MAGI2: variants seen among roughly 807,000 people sequenced by gnomAD.
MAGI2 encodes the protein membrane-associated guanylate kinase, WW and PDZ domain-containing protein 2.
Under a neutral mutation model 133.3 loss-of-function variants are expected in MAGI2, and 35 were observed. That is an observed-to-expected ratio of 0.26 (90% CI 0.20 to 0.35). The LOEUF (loss-of-function observed/expected upper bound fraction) is 0.35. Ranked by LOEUF, MAGI2 falls within the 10% of genes least tolerant of loss-of-function variation. MAGI2 has a pLI of 1.00. For missense variants in MAGI2, 1,636 were observed against 1,863.4 expected, an observed-to-expected ratio of 0.88 and a Z score of 2.25; for synonymous variants, 729 against 710.6, an observed-to-expected ratio of 1.03 and a Z score of -0.41.
chr7:79,049,511 T>C (rs1192246636), intron 1 of MAGI2, among the ~76,000 whole-genome samples: 1 of 152,190 alleles, frequency 6.6e-6, no homozygotes, highest in Non-Finnish European at 1.5e-5. Context: ...TGCCTGTTTA[T>C]TACAGACTTG....
intron 1 of MAGI2, among the ~76,000 whole-genome samples, chr7:79,158,586 A>G (rs2129547526): frequency 6.6e-6 from 1 of 152,188 alleles, no homozygotes; most frequent in East Asian, 1.9e-4. Flanking sequence ...CGAAAACAGA[A>G]TAATCTTAGC....
intron 10 of MAGI2, among the ~76,000 whole-genome samples, chr7:78,208,129 A>T (rs71573375): frequency 0.19 from 22,555 of 118,428 alleles, 1,966 homozygotes; most frequent in Middle Eastern, 0.26. Flanking sequence ...CGGCCTCCCA[A>T]AGTGGCTTTT....
chr7:78,667,981 G>A (rs1813839423), intron 2 of MAGI2, among the ~76,000 whole-genome samples: 1 of 152,078 alleles, frequency 6.6e-6, no homozygotes, highest in Non-Finnish European at 1.5e-5. Flanking sequence ...CTTCCACAAT[G>A]GTTGAACTAG....
At chr7:78,888,099 G>C (rs1163668881) in intron 2 of MAGI2, among the ~76,000 whole-genome samples, 3 of 152,194 alleles carry the variant, frequency 2.0e-5, no homozygotes, top group Non-Finnish European at 4.4e-5. Flanking sequence ...ACATGGCTCA[G>C]AGGATTCTAC....
chr7:78,635,972 G>A (rs768904637), intron 2 of MAGI2, among the ~76,000 whole-genome samples: 18 of 152,098 alleles, frequency 1.2e-4, no homozygotes, highest in Non-Finnish European at 2.1e-4. Flanking sequence ...AAATAATATC[G>A]TTTGGGTCAC....
At chr7:78,165,546 G>A (rs1825537118) in intron 15 of MAGI2, among the ~76,000 whole-genome samples, 1 of 152,092 alleles carries the variant, frequency 6.6e-6, no homozygotes, top group African/African-American at 2.4e-5. Flanking sequence ...AGGAGAAGGC[G>A]GAAGCGTGTC....
Position 79,453,443 on chromosome 7 carries a change from C to G in MAGI2, c.-123G>C, listed in dbSNP as rs1849439174. 1.3e-6 allele frequency: 2 copies of G among 1,490,422 alleles called. No individual in the cohort carries two copies. Among genetic ancestry groups the G allele is most frequent in the East Asian group, 2.3e-5 (1 of 43,478 alleles). 92.3% of individuals were successfully genotyped at this position (1,490,422 alleles called of 1,614,324 possible). A position where few individuals can be genotyped will look rare whatever the true frequency, so the allele number is the denominator to read the frequency against. On this transcript the variant is annotated 5_prime_UTR_variant, in exon 1 of 22. Transcript: ENST00000354212. ...AGAACAGCAGACTTTGCCTTCGCCCCCCTCTATTCGGTGCTTTCCCTCTTC... is the reference window on the plus strand; with the variant it reads ...AGAACAGCAGACTTTGCCTTCGCCCGCCTCTATTCGGTGCTTTCCCTCTTC...
chr7:78,248,125 C>A (rs1285428166), intron 10 of MAGI2, among the ~76,000 whole-genome samples: 1 of 152,140 alleles, frequency 6.6e-6, no homozygotes, highest in Admixed American at 6.5e-5. Context: ...AGACTATGAA[C>A]AGATGTCTCA....
intron 3 of MAGI2, among the ~76,000 whole-genome samples, chr7:78,534,526 T>C (rs898043927): frequency 3.5e-4 from 54 of 152,322 alleles, no homozygotes; most frequent in African/African-American, 1.3e-3. Context: ...AAATCTAAAA[T>C]TAGCAACATT....
At chr7:79,447,223 T>A (rs1294979397) in intron 1 of MAGI2, among the ~76,000 whole-genome samples, 4 of 152,120 alleles carry the variant, frequency 2.6e-5, no homozygotes, top group South Asian at 4.1e-4. Context: ...CATTGTACTA[T>A]GTATGTCCCT....
chr7:78,746,464 G>A lies in MAGI2; in HGVS notation c.419-119225C>T, dbSNP rs150191922. 2.0e-5 allele frequency among the ~76,000 whole-genome samples: 3 copies of A among 152,266 alleles called. No homozygotes were observed. In the East Asian group the frequency reaches 5.8e-4, roughly 29 times the overall value. On this transcript the variant is annotated intron_variant, in intron 2 of 21. Coordinates refer to ENST00000354212, the MANE Select transcript of MAGI2 (RefSeq NM_012301.4). ...GTTACAGGAGCTTATAGGCCCTGAGGTTAATTTCTGCCTGGATCATGCTCT... is the reference window on the plus strand; with the variant it reads ...GTTACAGGAGCTTATAGGCCCTGAGATTAATTTCTGCCTGGATCATGCTCT...
chr7:78,444,171 T>C (rs746513926), intron 6 of MAGI2, among the ~76,000 whole-genome samples: 3 of 152,112 alleles, frequency 2.0e-5, no homozygotes, highest in Non-Finnish European at 2.9e-5. Context: ...ACTGGGATAA[T>C]GTACAAAGGT....
At chr7:78,274,157 C>G (rs934923950) in intron 9 of MAGI2, among the ~76,000 whole-genome samples, 3 of 152,142 alleles carry the variant, frequency 2.0e-5, no homozygotes, top group African/African-American at 7.2e-5. Context: ...GATACTATTC[C>G]TTTCTCTTTG....
intron 2 of MAGI2, among the ~76,000 whole-genome samples, chr7:78,785,539 CA>C (rs1826747011): frequency 6.6e-6 from 1 of 152,130 alleles, no homozygotes; most frequent in Non-Finnish European, 1.5e-5. Context: ...ATATGTGTAA[CA>C]TTTTTTTTAT....
At chr7:78,684,523 A>T (rs977938597) in intron 2 of MAGI2, among the ~76,000 whole-genome samples, 10 of 152,138 alleles carry the variant, frequency 6.6e-5, no homozygotes, top group Non-Finnish European at 4.4e-5. Context: ...TCAGAGTTTC[A>T]CTTTAATTGT....
At chr7:79,035,465 A>T (rs7787164) in intron 1 of MAGI2, among the ~76,000 whole-genome samples, 1 of 152,054 alleles carries the variant, frequency 6.6e-6, no homozygotes, top group Non-Finnish European at 1.5e-5. Flanking sequence ...ACATGACAAC[A>T]CTACCCTGTT....
chr7:78,482,524 A>T (rs565542532), intron 6 of MAGI2, among the ~76,000 whole-genome samples: 9 of 152,008 alleles, frequency 5.9e-5, no homozygotes, highest in African/African-American at 2.2e-4. Context: ...GTACCCTAAA[A>T]CAGACTGTGG....
chr7:78,272,717 T>C (rs571825062), intron 9 of MAGI2, among the ~76,000 whole-genome samples: 21 of 152,036 alleles, frequency 1.4e-4, no homozygotes, highest in African/African-American at 4.8e-4. Context: ...TCTCTTTTGA[T>C]CTTTGTTGGT....
chr7:78,722,652 A>G (rs111744174), intron 2 of MAGI2, among the ~76,000 whole-genome samples: 3 of 152,232 alleles, frequency 2.0e-5, no homozygotes, highest in African/African-American at 7.2e-5. Context: ...TCAGTGTGAT[A>G]TATCAGTTAA....
Sources: gnomAD v4.1 joint callset for allele counts (sites outside exome capture counted in the v4.1 genomes callset) on GRCh38, gnomAD v4.1.1 for gene constraint, MANE v1.5 for transcripts, NCBI Gene and HGNC (gene_info 2026-07-23, HGNC 2026-07-21) for gene names.